PDAP1: variants seen among roughly 807,000 people sequenced by gnomAD.
The protein encoded by PDAP1 is 28 kDa heat- and acid-stable phosphoprotein.
PDAP1 carries 13 observed loss-of-function variants against 28.0 expected under a neutral mutation model. The observed-to-expected ratio is 0.46, with a 90% CI of 0.30 to 0.74. PDAP1 has a LOEUF of 0.74. PDAP1 is among the 30% of genes least tolerant of loss of function. The pLI is 0.07. For missense variants in PDAP1, 150 were observed against 230.0 expected (o/e 0.65, Z 2.25); for synonymous variants, 77 against 85.1 (o/e 0.91, Z 0.52).
chr7:99,396,865 G>A, intron 5 of PDAP1, 125 bp from the exon 6 acceptor site: 1 of 739,466 alleles, frequency 1.4e-6, no homozygotes, highest in East Asian at 2.7e-5. Context: ...CAACAGAGAA[G>A]AGCCGAGGCG....
chr7:99,400,745 T>C (rs1416864694), intron 3 of PDAP1, among the ~76,000 whole-genome samples: 1 of 152,142 alleles, frequency 6.6e-6, no homozygotes, highest in African/African-American at 2.4e-5. Flanking sequence ...AAGCTCGGCT[T>C]CCAAAAGCAG....
chr7:99,408,418 C>A (rs1795029494), intron 1 of PDAP1, 118 bp downstream of exon 1: 1 of 932,130 alleles, frequency 1.1e-6, no homozygotes, highest in Non-Finnish European at 1.4e-6. Context: ...GGCTCTCAGC[C>A]GGTGCGGACA....
At chr7:99,397,111 C>T (rs2150902972) in intron 5 of PDAP1, among the ~76,000 whole-genome samples, 1 of 152,264 alleles carries the variant, frequency 6.6e-6, no homozygotes, top group Middle Eastern at 3.4e-3. Context: ...CATGTGAAGT[C>T]CTTTCCTGCT....
intron 1 of PDAP1, among the ~76,000 whole-genome samples, chr7:99,406,332 A>G (rs564862560): frequency 6.6e-6 from 1 of 152,354 alleles, no homozygotes; most frequent in South Asian, 2.1e-4. Flanking sequence ...ACCACTGAGC[A>G]CATAAGCAAT....
chr7:99,400,840 G>A (rs1794851245), intron 3 of PDAP1, among the ~76,000 whole-genome samples: 2 of 152,140 alleles, frequency 1.3e-5, no homozygotes, highest in South Asian at 4.1e-4. Context: ...AGTGTGTGCT[G>A]TCATGACTAA....
Position 99,406,914 on chromosome 7 carries a change from C to T in PDAP1, c.13+1622G>A, listed in dbSNP as rs144910295. Among the ~76,000 whole-genome samples, 721 of 152,242 alleles carry T rather than the reference C, an allele frequency of 4.7e-3. 3 individuals carry two copies. Among genetic ancestry groups the T allele is most frequent in the African/African-American group, 0.016 (668 of 41,536 alleles). On this transcript the variant is annotated intron_variant, in intron 1 of 5. Coordinates refer to ENST00000350498, the MANE Select transcript of PDAP1 (RefSeq NM_014891.7). Reference sequence around the variant, plus strand: ...GTCTAAGTCTATGCTTATTAAAGTCCTATTGTGAGAGAGCAAGTGTGCCAA... The same window carrying T: ...GTCTAAGTCTATGCTTATTAAAGTCTTATTGTGAGAGAGCAAGTGTGCCAA...
At position 99,396,510 on chromosome 7, in the gene PDAP1, C is replaced by T. The variant is rs942314868; in HGVS notation, c.*172G>A. ...CAGCTACCCCTCCCCCAGTCCCCCC[C>T]CCCATCCCCCAAACAATTTCTGTGC... is the stretch of plus-strand genomic sequence containing the variant. On this transcript the variant is annotated 3_prime_UTR_variant, in exon 6 of 6. Coordinates refer to ENST00000350498, the MANE Select transcript of PDAP1 (RefSeq NM_014891.7). 3.8e-6 allele frequency: 2 copies of T among 531,756 alleles called. No individual in the cohort carries two copies. Among genetic ancestry groups the T allele is most frequent in the Non-Finnish European group, 7.0e-6 (2 of 283,890 alleles). The allele number at this position is 531,756 out of a possible 1,614,324, so 32.9% of individuals were successfully genotyped here.
chr7:99,404,407 AGAG>A (rs1268754658), intron 2 of PDAP1, among the ~76,000 whole-genome samples: 8 of 152,164 alleles, frequency 5.3e-5, no homozygotes, highest in Non-Finnish European at 2.9e-5. Context: ...CATGAGTCAC[AGAG>A]GAGGAGAGGC....
intron 1 of PDAP1, chr7:99,406,570 C>G: frequency 1.0e-6 from 1 of 985,382 alleles, no homozygotes; most frequent in Non-Finnish European, 1.2e-6. Context: ...GTCTGACCCT[C>G]TTCAGCCAGA....
chr7:99,398,566 A>G (rs1217201827), intron 4 of PDAP1, among the ~76,000 whole-genome samples: 1 of 152,172 alleles, frequency 6.6e-6, no homozygotes, highest in African/African-American at 2.4e-5. Flanking sequence ...GGTGGCACAC[A>G]TGGCTAAGGC....
chr7:99,400,578 T>C (rs945315951), intron 3 of PDAP1, among the ~76,000 whole-genome samples, 154 bp from the exon 4 acceptor site: 2 of 152,158 alleles, frequency 1.3e-5, no homozygotes, highest in African/African-American at 2.4e-5. Flanking sequence ...ACAGTGGGTA[T>C]AGCTCTCTGG....
At chr7:99,406,562 C>G (rs1794975480) in intron 1 of PDAP1, 1 of 985,164 alleles carries the variant, frequency 1.0e-6, no homozygotes, top group African/African-American at 1.7e-5. Context: ...GTTTTATAGT[C>G]TGACCCTCTT....
At position 99,408,525 on chromosome 7, in the gene PDAP1, C is replaced by T; in HGVS notation, c.13+11G>A. On this transcript the variant is annotated intron_variant, in intron 1 of 5. Transcript: ENST00000350498. The stretch of plus-strand genomic sequence containing the variant: ...CTCCAGGCCTGCGGGCCACCGGCGC[C>T]CGCCCCTCACCTCCTTTAGGCATTG... 1 of 1,315,908 alleles carries T rather than the reference C, an allele frequency of 7.6e-7. No homozygotes were observed. The highest frequency in any genetic ancestry group is 9.7e-7 in the Non-Finnish European group (1 of 1,031,694). 81.5% of individuals were successfully genotyped at this position (1,315,908 alleles called of 1,614,324 possible).
chr7:99,405,572 T>C (rs1405212365), intron 1 of PDAP1, among the ~76,000 whole-genome samples: 1 of 151,870 alleles, frequency 6.6e-6, no homozygotes, highest in African/African-American at 2.4e-5. Context: ...GTTGGTTGGC[T>C]AGAATGGTCT....
At position 99,395,252 on chromosome 7, in the gene PDAP1, G is replaced by C. The variant is rs963662558; in HGVS notation, c.*1430C>G. Reference sequence around the variant, plus strand: ...GCCACCTCTGCCTTCCTGGGATCAAGCGATTCTCCTGCCTCAGCCTCCCAA... The same window carrying C: ...GCCACCTCTGCCTTCCTGGGATCAACCGATTCTCCTGCCTCAGCCTCCCAA... On this transcript the variant is annotated 3_prime_UTR_variant, in exon 6 of 6. Coordinates refer to ENST00000350498, the MANE Select transcript of PDAP1 (RefSeq NM_014891.7). 8 of 152,374 alleles carry C rather than the reference G, an allele frequency of 5.3e-5. No individual in the cohort carries two copies. Among genetic ancestry groups the C allele is most frequent in the African/African-American group, 1.9e-4 (8 of 41,564 alleles). The allele number at this position is 152,374 out of a possible 1,614,324, so 9.4% of individuals were successfully genotyped here.
At chr7:99,402,878 C>CAAAAAAA (rs543294031) in intron 3 of PDAP1, among the ~76,000 whole-genome samples, 7 of 72,078 alleles carry the variant, frequency 9.7e-5, no homozygotes, top group African/African-American at 2.7e-4. Context: ...CACTTCATCT[C>CAAAAAAA]AAAAAAAAAA....
Position 99,404,901 on chromosome 7 carries a change from C to T in PDAP1, c.66G>A (p.Glu22=). 1 of 1,613,776 alleles carries T rather than the reference C, an allele frequency of 6.2e-7. No individual in the cohort carries two copies. Among genetic ancestry groups the T allele is most frequent in the Non-Finnish European group, 8.5e-7 (1 of 1,179,990 alleles). ...TCTCAGCCTGCAGCTGCGCGTCGAT[C>T]TCCTCAGGGCTTGTATACTGCCTCG... ...GRARQYTSPE[E]IDAQLQAEKQ... The change falls in exon 2 of 6, where the codon GAG becomes GAA. Residue 22 remains glutamate, a synonymous_variant. Coordinates refer to ENST00000350498, the MANE Select transcript of PDAP1 (RefSeq NM_014891.7).
chr7:99,406,550 C>CA, intron 1 of PDAP1: 1 of 984,630 alleles, frequency 1.0e-6, no homozygotes, highest in South Asian at 4.7e-5. Context: ...GTTAAAGTGT[C>CA]AGTTTTATAG....
intron 1 of PDAP1, chr7:99,406,719 G>C: frequency 1.8e-6 from 1 of 549,428 alleles, no homozygotes; most frequent in Non-Finnish European, 2.3e-6. Context: ...GATTTCCATA[G>C]TCTGTCTCTG....
Sources: allele counts gnomAD v4.1 joint callset (sites outside exome capture counted in the v4.1 genomes callset), GRCh38; gene constraint gnomAD v4.1.1; transcripts MANE v1.5; gene names NCBI Gene and HGNC (gene_info 2026-07-23, HGNC 2026-07-21).